WLS: variants seen among roughly 807,000 people sequenced by gnomAD.
WLS encodes protein wntless homolog.
In WLS, 23 loss-of-function variants were observed where a neutral mutation model predicts 62.8. The ratio of observed to expected loss-of-function variants is 0.37; its 90% confidence interval spans 0.26 to 0.52. WLS has a LOEUF of 0.52. WLS is among the 20% of genes least tolerant of loss of function. The pLI is 0.92. For synonymous variants in WLS, 246 were observed against 244.1 expected (o/e 1.01, Z -0.07); for missense variants, 615 against 697.3 (o/e 0.88, Z 1.33).
chr1:68,155,101 C>T lies in WLS; in HGVS notation c.664G>A (p.Val222Met). The T allele has an allele frequency of 6.2e-7, 1 of 1,613,304 alleles. No individual in the cohort carries two copies. Among genetic ancestry groups the T allele is most frequent in the Non-Finnish European group, 8.5e-7 (1 of 1,179,624 alleles). The change falls in exon 4 of 12, where the codon GTG (valine) becomes ATG (methionine). Residue 222 changes from valine to methionine, a missense_variant and splice_region_variant. Physicochemically the swap from Val to Met is conservative, Grantham distance 21. Transcript: ENST00000262348. ...GIGEIKDIRL[V>M]GIHQNGGFTK... is the part of the protein sequence containing the mutation. ...CAAGATCAATTACATTCACTTACCA[C>T]CAACCGGATATCCTTTATCTCCCCA... is the stretch of plus-strand genomic sequence containing the variant.
chr1:68,152,683 A>G (rs551708674), intron 5 of WLS, among the ~76,000 whole-genome samples: 1 of 152,350 alleles, frequency 6.6e-6, no homozygotes, highest in Admixed American at 6.5e-5. Context: ...AGACATATGC[A>G]CAAGGTTTTT....
At chr1:68,121,734 A>G (rs938514443), downstream of WLS, among the ~76,000 whole-genome samples, 5 of 152,204 alleles carry the variant, frequency 3.3e-5, no homozygotes, top group African/African-American at 9.6e-5. Context: ...CTGATGAGTC[A>G]GCTTGAATCA....
chr1:68,172,031 G>A (rs1647161657), intron 2 of WLS, among the ~76,000 whole-genome samples: 1 of 152,044 alleles, frequency 6.6e-6, no homozygotes, highest in Non-Finnish European at 1.5e-5. Flanking sequence ...GATGAAGCTG[G>A]AAACCATCAT....
At chr1:68,208,815 T>C (rs1353735214) in intron 1 of WLS, among the ~76,000 whole-genome samples, 1 of 152,192 alleles carries the variant, frequency 6.6e-6, no homozygotes, top group African/African-American at 2.4e-5. Context: ...AGGATTGATG[T>C]CTTAGAAAGG....
At chr1:68,106,441 G>A (rs1444852933) in intron 11 of WLS, among the ~76,000 whole-genome samples, 3 of 152,164 alleles carry the variant, frequency 2.0e-5, no homozygotes, top group African/African-American at 7.2e-5. Context: ...AAGTTTGGAG[G>A]ATAAAGACAG....
chr1:68,159,038 G>T, intron 3 of WLS, 85 bp downstream of exon 3: 1 of 1,560,490 alleles, frequency 6.4e-7, no homozygotes, highest in South Asian at 1.2e-5. Flanking sequence ...GCGAAGAAGG[G>T]ACACACCTAT....
intron 11 of WLS, among the ~76,000 whole-genome samples, chr1:68,111,223 C>T (rs1022448035): frequency 1.3e-5 from 2 of 152,122 alleles, no homozygotes; most frequent in African/African-American, 4.8e-5. Context: ...TTTATATAAG[C>T]CTTTGGGGAC....
At chr1:68,116,461 C>T (rs1021928978) in intron 11 of WLS, among the ~76,000 whole-genome samples, 4 of 152,156 alleles carry the variant, frequency 2.6e-5, no homozygotes, top group South Asian at 2.1e-4. Flanking sequence ...TGGTGACAGG[C>T]GCAGCAGGAG....
intron 1 of WLS, among the ~76,000 whole-genome samples, chr1:68,223,835 C>T (rs544137790): frequency 1.8e-4 from 27 of 152,274 alleles, no homozygotes; most frequent in East Asian, 7.7e-4. Flanking sequence ...CACTAAATGA[C>T]GCTGCTTTGA....
chr1:68,101,239 T>C (rs1180424423), intron 11 of WLS, among the ~76,000 whole-genome samples: 1 of 152,126 alleles, frequency 6.6e-6, no homozygotes, highest in Non-Finnish European at 1.5e-5. Flanking sequence ...GAAGAAGAAA[T>C]GAAATAATAC....
intron 6 of WLS, among the ~76,000 whole-genome samples, chr1:68,149,723 C>G (rs914667194): frequency 2.0e-5 from 3 of 152,140 alleles, no homozygotes; most frequent in African/African-American, 4.8e-5. Context: ...ACTAGGCCAC[C>G]TGGACACATT....
At chr1:68,230,179 T>A (rs1380732320) in intron 1 of WLS, among the ~76,000 whole-genome samples, 1 of 152,100 alleles carries the variant, frequency 6.6e-6, no homozygotes, top group Non-Finnish European at 1.5e-5. Context: ...ATGGGCTCTG[T>A]CTGCAAAGCT....
chr1:68,198,746 AAC>A lies in WLS; in HGVS notation c.107-4521_107-4520del, dbSNP rs1332968349. ...AATAATTTTGATGAATGTTATATGTAACCTGACATTCCCTGAGAAAGGGCAAC... is the reference window on the plus strand; with the variant it reads ...AATAATTTTGATGAATGTTATATGTACTGACATTCCCTGAGAAAGGGCAAC... On this transcript the variant is annotated intron_variant, in intron 1 of 11. Transcript: ENST00000262348. 2.0e-5 allele frequency among the ~76,000 whole-genome samples: 3 copies of A among 152,250 alleles called. No individual in the cohort carries two copies. The East Asian group carries it at 5.8e-4, about 29-fold the overall frequency.
At chr1:68,142,032 G>A (rs1288128985) in intron 10 of WLS, among the ~76,000 whole-genome samples, 1 of 152,216 alleles carries the variant, frequency 6.6e-6, no homozygotes, top group Non-Finnish European at 1.5e-5. Context: ...AAATACTGAG[G>A]CAATAGAATA....
chr1:68,162,182 T>A, intron 2 of WLS: 1 of 1,439,018 alleles, frequency 6.9e-7, no homozygotes, highest in Non-Finnish European at 9.8e-7. Context: ...TGAGCAAAGC[T>A]AAAGGGCTCC....
At position 68,125,463 on chromosome 1, in the gene WLS, T is replaced by C. The variant is rs1646415805; in HGVS notation, c.*763A>G. 2.0e-6 allele frequency: 2 copies of C among 985,454 alleles called. No individual in the cohort carries two copies. Among genetic ancestry groups the C allele is most frequent in the Middle Eastern group, 5.2e-4 (1 of 1,914 alleles). The allele number at this position is 985,454 out of a possible 1,614,324, so 61.0% of individuals were successfully genotyped here. A position where few individuals can be genotyped will look rare whatever the true frequency, so the allele number is the denominator to read the frequency against. ...TTTGGAGGCTATTTGAAGTATCTTA[T>C]CAAAATAAAACGCATTTTAAGCAAG... is the stretch of plus-strand genomic sequence containing the variant. On this transcript the variant is annotated 3_prime_UTR_variant, in exon 12 of 12. Coordinates refer to ENST00000262348, the MANE Select transcript of WLS (RefSeq NM_024911.7).
intron 2 of WLS, among the ~76,000 whole-genome samples, chr1:68,185,613 A>C (rs993301218): frequency 2.0e-5 from 3 of 152,188 alleles, no homozygotes; most frequent in Admixed American, 2.0e-4. Flanking sequence ...CCTTATGAGA[A>C]TCTAATGCCT....
intron 2 of WLS, among the ~76,000 whole-genome samples, chr1:68,182,033 T>C (rs12407028): frequency 0.35 from 52,637 of 152,006 alleles, 9,582 homozygotes; most frequent in Non-Finnish European, 0.4. Context: ...TTCAACACCA[T>C]AGAAGAGTGT....
In WLS at chr1:68,132,086, C is replaced by A. The variant is rs534073102; in HGVS notation, c.1516+5694G>T. The stretch of plus-strand genomic sequence containing the variant: ...CTTCCCAAGAAGGTAACTGAGATGT[C>A]CCTATCATGGTGGGGTGACAAGAAT... On this transcript the variant is annotated intron_variant, in intron 11 of 11. Coordinates refer to ENST00000262348, the MANE Select transcript of WLS (RefSeq NM_024911.7). Among the ~76,000 whole-genome samples, 3 of 152,256 alleles carry A rather than the reference C, an allele frequency of 2.0e-5. No individual in the cohort carries two copies. The South Asian group carries it at 6.2e-4, about 32-fold the overall frequency.
Sources: allele counts gnomAD v4.1 joint callset (sites outside exome capture counted in the v4.1 genomes callset), GRCh38; gene constraint gnomAD v4.1.1; transcripts MANE v1.5; gene names NCBI Gene and HGNC (gene_info 2026-07-23, HGNC 2026-07-21).